The following SLC41A2 variants were observed in gnomAD, a reference collection of about 807,000 sequenced individuals.
SLC41A2 encodes the protein solute carrier family 41 member 2.
Under a neutral mutation model 58.3 loss-of-function variants are expected in SLC41A2, and 32 were observed. The ratio of observed to expected loss-of-function variants is 0.55; its 90% CI spans 0.41 to 0.74. SLC41A2 has a LOEUF of 0.74. Among genes scored for constraint, SLC41A2 ranks in the 30% least tolerant of loss-of-function variants. The pLI, the probability that SLC41A2 is intolerant of heterozygous loss-of-function variation, is 0.00. For synonymous variants in SLC41A2, 190 were observed against 235.0 expected (o/e 0.81, Z 1.75); for missense variants, 514 against 680.6 (o/e 0.76, Z 2.72).
intron 6 of SLC41A2, among the ~76,000 whole-genome samples, chr12:104,877,690 T>C (rs1442173067): frequency 6.6e-6 from 1 of 152,138 alleles, no homozygotes; most frequent in South Asian, 2.1e-4. Flanking sequence ...GTTTATCCCT[T>C]GTATAATTTA....
chr12:104,948,127 C>G (rs1252573938), intron 1 of SLC41A2, among the ~76,000 whole-genome samples: 1 of 152,152 alleles, frequency 6.6e-6, no homozygotes, highest in Admixed American at 6.5e-5. Flanking sequence ...AATGTAGCAG[C>G]TGAGCTTTTG....
rs141545936 is a variant in SLC41A2, at chr12:104,818,531, G to A, written c.1537-13194C>T. Among the ~76,000 whole-genome samples, 264 of 152,268 alleles carry A rather than the reference G, an allele frequency of 1.7e-3. 3 individuals carry two copies. The highest frequency in any genetic ancestry group is 5.9e-3 in the African/African-American group (247 of 41,558). On this transcript the variant is annotated intron_variant, in intron 10 of 10. Coordinates refer to ENST00000258538, the MANE Select transcript of SLC41A2 (RefSeq NM_001352171.3). ...TAAATATGGAGGATAGCATAAATATGTAGGATAGTAATTCTCAAGCACATC... is the reference window on the plus strand; with the variant it reads ...TAAATATGGAGGATAGCATAAATATATAGGATAGTAATTCTCAAGCACATC...
In SLC41A2 at chr12:104,916,508, A is replaced by G. The variant is rs570920585; in HGVS notation, c.556-6746T>C. Among the ~76,000 whole-genome samples, 5 of 152,296 alleles carry G rather than the reference A, an allele frequency of 3.3e-5. 1 individual carries two copies. The South Asian group carries it at 6.2e-4, about 19-fold the overall frequency. On this transcript the variant is annotated intron_variant, in intron 2 of 10. Coordinates refer to ENST00000258538, the MANE Select transcript of SLC41A2 (RefSeq NM_001352171.3). ...CATATGGAACCAAAAAAGAGCCCGC[A>G]TCGCCAAGTCAATCCTAAGCCAAAA...
intron 1 of SLC41A2, among the ~76,000 whole-genome samples, chr12:104,940,068 C>T (rs1264140294): frequency 6.6e-6 from 1 of 151,750 alleles, no homozygotes; most frequent in East Asian, 1.9e-4. Flanking sequence ...GGCTGGAGTG[C>T]AACGGCGTGA....
At chr12:104,920,618 AT>A (rs1379209184) in intron 2 of SLC41A2, among the ~76,000 whole-genome samples, 4 of 151,810 alleles carry the variant, frequency 2.6e-5, no homozygotes, top group Non-Finnish European at 4.4e-5. Context: ...TCTCGACAAA[AT>A]TTTTTTTAAA....
At chr12:104,832,690 C>T (rs754606459) in intron 10 of SLC41A2, among the ~76,000 whole-genome samples, 54 of 152,024 alleles carry the variant, frequency 3.6e-4, no homozygotes, top group African/African-American at 1.0e-3. Flanking sequence ...TAACACTTCA[C>T]GCTATACCTG....
chr12:104,812,940 G>A (rs1184382520), intron 10 of SLC41A2, among the ~76,000 whole-genome samples: 1 of 152,094 alleles, frequency 6.6e-6, no homozygotes, highest in East Asian at 1.9e-4. Flanking sequence ...AGCTGTTTGG[G>A]AGGCCAAGGA....
intron 10 of SLC41A2, among the ~76,000 whole-genome samples, chr12:104,833,701 A>G (rs2136288780): frequency 6.6e-6 from 1 of 152,298 alleles, no homozygotes; most frequent in South Asian, 2.1e-4. Context: ...TAGCTTTCAA[A>G]TTAAAAAGTG....
chr12:104,828,528 G>A (rs2041930476), intron 10 of SLC41A2, among the ~76,000 whole-genome samples: 2 of 152,128 alleles, frequency 1.3e-5, no homozygotes, highest in South Asian at 2.1e-4. Flanking sequence ...TGCTTCAGCT[G>A]TAAACAATCA....
intron 6 of SLC41A2, among the ~76,000 whole-genome samples, chr12:104,877,212 G>C (rs1328859821): frequency 6.6e-6 from 1 of 152,144 alleles, no homozygotes; most frequent in Non-Finnish European, 1.5e-5. Context: ...AGGATGAATG[G>C]AGTCTTGGAA....
At chr12:104,812,517 A>C (rs1350207394) in intron 10 of SLC41A2, among the ~76,000 whole-genome samples, 2 of 151,756 alleles carry the variant, frequency 1.3e-5, no homozygotes, top group African/African-American at 4.8e-5. Context: ...TCAAGTGTTG[A>C]GAGTAAATGA....
chr12:104,937,457 C>T (rs76829701), intron 1 of SLC41A2, among the ~76,000 whole-genome samples: 2,263 of 152,282 alleles, frequency 0.015, 68 homozygotes, highest in African/African-American at 0.051. Flanking sequence ...GAGTAATGTG[C>T]TATACAAACC....
rs528810261 is a variant in SLC41A2 at position 104,813,783 on chromosome 12, G to T, written c.1537-8446C>A. 2.0e-5 allele frequency among the ~76,000 whole-genome samples: 3 copies of T among 152,046 alleles called. No homozygotes were observed. In the East Asian group the frequency reaches 5.8e-4, roughly 29 times the overall value. ...CCTGAGTAGCTAGGACTACAGGTGCGCACCACCACACCCGGCTAATTTTTG... is the reference window on the plus strand; with the variant it reads ...CCTGAGTAGCTAGGACTACAGGTGCTCACCACCACACCCGGCTAATTTTTG... On this transcript the variant is annotated intron_variant, in intron 10 of 10. Coordinates refer to ENST00000258538, the MANE Select transcript of SLC41A2 (RefSeq NM_001352171.3).
chr12:104,813,755 C>T (rs1384685475), intron 10 of SLC41A2, among the ~76,000 whole-genome samples: 1 of 152,174 alleles, frequency 6.6e-6, no homozygotes, highest in Non-Finnish European at 1.5e-5. Flanking sequence ...CCTGCCTCAG[C>T]CTCCTGAGTA....
At chr12:104,922,373 T>C (rs1403664711) in intron 2 of SLC41A2, among the ~76,000 whole-genome samples, 2 of 152,112 alleles carry the variant, frequency 1.3e-5, no homozygotes, top group Non-Finnish European at 1.5e-5. Context: ...AATAGCTATA[T>C]TTATGCTAGA....
chr12:104,820,783 C>T (rs1383718053), intron 10 of SLC41A2, among the ~76,000 whole-genome samples: 3 of 152,074 alleles, frequency 2.0e-5, no homozygotes, highest in Non-Finnish European at 2.9e-5. Context: ...GGTAGGATTA[C>T]AGGTGCCCGC....
At chr12:104,826,004 C>T (rs1272960493) in intron 10 of SLC41A2, among the ~76,000 whole-genome samples, 1 of 152,170 alleles carries the variant, frequency 6.6e-6, no homozygotes, top group Non-Finnish European at 1.5e-5. Context: ...CACCAGGGCT[C>T]AGGGATAAGA....
In SLC41A2 at chr12:104,833,594, C is replaced by T. The variant is rs183217414; in HGVS notation, c.1536+10878G>A. 1.4e-3 allele frequency among the ~76,000 whole-genome samples: 218 copies of T among 152,196 alleles called. 1 individual carries two copies. The highest frequency in any genetic ancestry group is 5.0e-3 in the African/African-American group (206 of 41,540). On this transcript the variant is annotated intron_variant, in intron 10 of 10. Transcript: ENST00000258538. ...CTTTAAGCTTCCCTTTTAATAAATG[C>T]AAAAATCTTTGGAAACTTTTTGCTT...
At chr12:104,937,830 A>G (rs1297364729) in intron 1 of SLC41A2, among the ~76,000 whole-genome samples, 1 of 152,202 alleles carries the variant, frequency 6.6e-6, no homozygotes, top group East Asian at 1.9e-4. Context: ...TACTTTGAGA[A>G]GCACCTCCCA....
Sources: gnomAD v4.1 joint callset for allele counts (sites outside exome capture counted in the v4.1 genomes callset) on GRCh38, gnomAD v4.1.1 for gene constraint, MANE v1.5 for transcripts, NCBI Gene and HGNC (gene_info 2026-07-23, HGNC 2026-07-21) for gene names.